Variants in TBK1 observed in about 807,000 individuals in gnomAD.
TBK1 encodes TANK binding kinase 1.
A neutral mutation model predicts 99.9 loss-of-function variants in TBK1; 37 were observed. The observed-to-expected ratio is 0.37, with a 90% CI of 0.28 to 0.49. The LOEUF (loss-of-function observed/expected upper bound fraction) is 0.49. TBK1 is among the 20% of genes least tolerant of loss of function. TBK1 has a pLI of 0.98. For synonymous variants in TBK1, 258 were observed against 279.8 expected (o/e 0.92, Z 0.78); for missense variants, 644 against 872.5 (o/e 0.74, Z 3.30).
intron 13 of TBK1, among the ~76,000 whole-genome samples, chr12:64,495,121 G>A (rs2040912108): frequency 6.6e-6 from 1 of 152,118 alleles, no homozygotes; most frequent in Non-Finnish European, 1.5e-5. Context: ...TTGATATTTG[G>A]AACTATTCTA....
chr12:64,459,801 T>G (rs2040526706), intron 2 of TBK1, among the ~76,000 whole-genome samples: 1 of 152,238 alleles, frequency 6.6e-6, no homozygotes, highest in African/African-American at 2.4e-5. Flanking sequence ...TAGTTTAAAA[T>G]TATTAGGCCT....
Position 64,501,535 on chromosome 12 carries a change from T to C in TBK1, c.*154T>C. ...TACAATATTGTAAATACATAAAAAATATACAAATTTTTGGCTGCTGTGAAG... is the reference window on the plus strand; with the variant it reads ...TACAATATTGTAAATACATAAAAAACATACAAATTTTTGGCTGCTGTGAAG... On this transcript the variant is annotated 3_prime_UTR_variant, in exon 21 of 21. Coordinates refer to ENST00000331710, the MANE Select transcript of TBK1 (RefSeq NM_013254.4). The C allele has an allele frequency of 1.4e-6, 1 of 714,522 alleles. No individual in the cohort carries two copies. Among genetic ancestry groups the C allele is most frequent in the Non-Finnish European group, 2.2e-6 (1 of 461,252 alleles). 44.3% of individuals were successfully genotyped at this position (714,522 alleles called of 1,614,324 possible).
intron 13 of TBK1, among the ~76,000 whole-genome samples, chr12:64,492,667 A>G (rs1001802777): frequency 6.6e-6 from 1 of 152,136 alleles, no homozygotes; most frequent in African/African-American, 2.4e-5. Flanking sequence ...ATGGAGTCTT[A>G]TGACATCAGG....
rs1367549390 is a variant in TBK1 at position 64,501,748 on chromosome 12, C to T, written c.*367C>T. 1 of 184,700 alleles carries T rather than the reference C, an allele frequency of 5.4e-6. No individual in the cohort carries two copies. Among genetic ancestry groups the T allele is most frequent in the Non-Finnish European group, 1.1e-5 (1 of 89,284 alleles). The allele number at this position is 184,700 out of a possible 1,614,324, so 11.4% of individuals were successfully genotyped here. A position where few individuals can be genotyped will look rare whatever the true frequency, so the allele number is the denominator to read the frequency against. On this transcript the variant is annotated 3_prime_UTR_variant, in exon 21 of 21. Coordinates refer to ENST00000331710, the MANE Select transcript of TBK1 (RefSeq NM_013254.4). Reference sequence around the variant, plus strand: ...AGTGGAACCAAAATAGGCATCCTTACAAATCAGGAAGACTGACTTGACACG... The same window carrying T: ...AGTGGAACCAAAATAGGCATCCTTATAAATCAGGAAGACTGACTTGACACG...
Position 64,464,573 on chromosome 12 carries a change from A to C in TBK1, c.358+110A>C, listed in dbSNP as rs936587069. On this transcript the variant is annotated intron_variant, in intron 4 of 20. Transcript: ENST00000331710. ...AGACCTTTATGCAATGCTTCATTAG[A>C]TATGACACCAAAAGCACAAATACCA... 3 of 794,006 alleles carry C rather than the reference A, an allele frequency of 3.8e-6. No individual in the cohort carries two copies. In the African/African-American group the frequency reaches 5.2e-5, roughly 14 times the overall value. The allele number at this position is 794,006 out of a possible 1,614,324, so 49.2% of individuals were successfully genotyped here.
intron 5 of TBK1, 96 bp from the exon 6 acceptor site, chr12:64,474,134 C>A: frequency 8.3e-7 from 1 of 1,206,430 alleles, no homozygotes; most frequent in Non-Finnish European, 1.1e-6. Context: ...ATTAGGAAAA[C>A]AAAATAGAAT....
Position 64,497,173 on chromosome 12 carries a change from C to A in TBK1, c.1873C>A (p.His625Asn). 6.3e-7 allele frequency: 1 copy of A among 1,596,426 alleles called. No homozygotes were observed. The highest frequency in any genetic ancestry group is 8.5e-7 in the Non-Finnish European group (1 of 1,171,378). Reference sequence around the variant, plus strand: ...CTTTTTGGTTTTCAGAAAGATGCTTCATCTTAGGAAACAGTTATTATCGCT... The same window carrying A: ...CTTTTTGGTTTTCAGAAAGATGCTTAATCTTAGGAAACAGTTATTATCGCT... The part of the protein sequence containing the change: ...KSEEWIRKML[H>N]LRKQLLSLTN... Residue 625 changes from histidine (H) to asparagine (N), a missense_variant, in exon 18 of 21, where the codon CAT (histidine) becomes AAT (asparagine). By Grantham distance (68) the His-to-Asn change is moderately conservative. Around this residue, in one of 3 missense-constraint regions of TBK1, gnomAD observed 465 missense variants for 588.0 expected, o/e 0.79. Coordinates refer to ENST00000331710, the MANE Select transcript of TBK1 (RefSeq NM_013254.4).
intron 10 of TBK1, 63 bp from the exon 11 acceptor site, chr12:64,485,863 A>G (rs1358761750): frequency 8.2e-7 from 1 of 1,213,740 alleles, no homozygotes; most frequent in Non-Finnish European, 1.1e-6. Context: ...AATTTTGTGT[A>G]AAAGTTTTTC....
intron 11 of TBK1, among the ~76,000 whole-genome samples, chr12:64,487,363 A>G (rs968373573): frequency 6.6e-6 from 1 of 151,782 alleles, no homozygotes; most frequent in Non-Finnish European, 1.5e-5. Context: ...TGCCTACCTC[A>G]TACCCACCCC....
chr12:64,453,978 A>G (rs1396885776), intron 1 of TBK1, among the ~76,000 whole-genome samples: 1 of 152,180 alleles, frequency 6.6e-6, no homozygotes, highest in Non-Finnish European at 1.5e-5. Flanking sequence ...TATGTTTGTC[A>G]GGTTCTGTGT....
chr12:64,454,970 C>G (rs1383914894), intron 1 of TBK1, among the ~76,000 whole-genome samples: 1 of 146,420 alleles, frequency 6.8e-6, no homozygotes, highest in African/African-American at 2.5e-5. Flanking sequence ...AGCCACCGCG[C>G]CCGGCCAATT....
rs774264659 is a variant in TBK1 at position 64,488,584 on chromosome 12, A to G, written c.1438A>G (p.Lys480Glu). 2.5e-6 allele frequency: 4 copies of G among 1,589,026 alleles called. No homozygotes were observed. The highest frequency in any genetic ancestry group is 2.7e-5 in the African/African-American group (2 of 73,968). Residue 480 changes from lysine (K) to glutamate (E), a missense_variant, in exon 12 of 21, where the codon AAA becomes GAA. Physicochemically the swap from Lys to Glu is moderately conservative, Grantham distance 56. Transcript: ENST00000331710. ...FCIRNIEKTV[K>E]VYEKLMKINL... Reference sequence around the variant, plus strand: ...TATCAGAAACATTGAAAAAACTGTGAAAGTGTGAGTAGACTACTTCCTTAC... The same window carrying G: ...TATCAGAAACATTGAAAAAACTGTGGAAGTGTGAGTAGACTACTTCCTTAC...
chr12:64,498,156 A>G, intron 20 of TBK1, 117 bp downstream of exon 20: 1 of 823,646 alleles, frequency 1.2e-6, no homozygotes, highest in Non-Finnish European at 1.9e-6. Context: ...TAAAGTCAGA[A>G]CTCATGTTTT....
chr12:64,497,571 T>G lies in TBK1; in HGVS notation c.1960-77T>G, dbSNP rs573286488. The G allele has an allele frequency of 2.9e-5, 28 of 959,322 alleles. No individual in the cohort carries two copies. In the South Asian group the frequency reaches 4.1e-4, roughly 14 times the overall value. The allele number at this position is 959,322 out of a possible 1,614,324, so 59.4% of individuals were successfully genotyped here. The stretch of plus-strand genomic sequence containing the variant: ...TTATTAAAAGCTGTAACACTTGATG[T>G]CAGATCTGTAGTAAGTACTTTTGTT... On this transcript the variant is annotated intron_variant, in intron 18 of 20. Coordinates refer to ENST00000331710, the MANE Select transcript of TBK1 (RefSeq NM_013254.4).
chr12:64,495,926 TAAAA>T, intron 15 of TBK1, 151 bp downstream of exon 15: 28 of 385,878 alleles, frequency 7.3e-5, no homozygotes, highest in Non-Finnish European at 9.4e-5. Flanking sequence ...TTGATTGTGT[TAAAA>T]AAAAAAAAAA....
At chr12:64,461,071 C>A (rs2040543953) in intron 3 of TBK1, among the ~76,000 whole-genome samples, 3 of 149,004 alleles carry the variant, frequency 2.0e-5, no homozygotes, top group Non-Finnish European at 4.4e-5. Flanking sequence ...TGGAGTGAGA[C>A]CCTGTCTCAA....
At position 64,488,598 on chromosome 12, in the gene TBK1, C is replaced by G; in HGVS notation, c.1442+10C>G. The G allele has an allele frequency of 1.3e-6, 2 of 1,536,816 alleles. No individual in the cohort carries two copies. The highest frequency in any genetic ancestry group is 1.8e-6 in the Non-Finnish European group (2 of 1,123,764). On this transcript the variant is annotated intron_variant, in intron 12 of 20. Transcript: ENST00000331710. Reference sequence around the variant, plus strand: ...AAAAAACTGTGAAAGTGTGAGTAGACTACTTCCTTACTAGTAGGGGTTAAA... The same window carrying G: ...AAAAAACTGTGAAAGTGTGAGTAGAGTACTTCCTTACTAGTAGGGGTTAAA...
chr12:64,470,415 A>G (rs2040650885), intron 5 of TBK1, among the ~76,000 whole-genome samples: 1 of 152,182 alleles, frequency 6.6e-6, no homozygotes, highest in Non-Finnish European at 1.5e-5. Context: ...TATATGTAAT[A>G]CTACTTTGAA....
chr12:64,481,819 G>C, intron 7 of TBK1, 23 bp from the exon 8 acceptor site: 1 of 1,504,018 alleles, frequency 6.6e-7, no homozygotes, highest in Non-Finnish European at 8.9e-7. Context: ...CACTCTTCAA[G>C]TAACTTTTCA....
Sources: allele counts gnomAD v4.1 joint callset (sites outside exome capture counted in the v4.1 genomes callset), GRCh38; gene constraint gnomAD v4.1.1; regional missense constraint gnomAD v4.1.1; transcripts MANE v1.5; gene names NCBI Gene and HGNC (gene_info 2026-07-23, HGNC 2026-07-21).